The following PPFIA4 variants were observed in gnomAD, a reference collection of about 807,000 sequenced individuals.
PPFIA4 encodes the protein liprin-alpha-4.
PPFIA4 carries 98 observed loss-of-function variants against 145.7 expected under a neutral mutation model. The observed-to-expected ratio is 0.67, with a 90% CI of 0.57 to 0.80. PPFIA4 has a LOEUF of 0.80. PPFIA4 is among the 30% of genes least tolerant of loss of function. The pLI is 0.00. For synonymous variants in PPFIA4, 628 were observed against 649.6 expected (o/e 0.97, Z 0.51); for missense variants, 1,457 against 1,632.7 (o/e 0.89, Z 1.85).
rs756435473 is a variant in PPFIA4, at chr1:203,076,396, G to C, written c.*6G>C. 1 of 1,608,098 alleles carries C rather than the reference G, an allele frequency of 6.2e-7. No individual in the cohort carries two copies. The highest frequency in any genetic ancestry group is 8.5e-7 in the Non-Finnish European group (1 of 1,179,512). The stretch of plus-strand genomic sequence containing the variant: ...TCTCCGCCTTCCGGGACTAGCCATG[G>C]CCCCCAGGGCTGGCTTCCTCCTTCT... On this transcript the variant is annotated 3_prime_UTR_variant, in exon 30 of 30. Transcript: ENST00000295706.
intron 23 of PPFIA4, chr1:203,061,303 T>A (rs533639421): frequency 1.8e-6 from 1 of 555,376 alleles, no homozygotes; most frequent in East Asian, 3.1e-5. Flanking sequence ...AGAGTTGGGC[T>A]GGGGAGGGCT....
At chr1:203,035,324 T>C (rs1181184968) in intron 1 of PPFIA4, 4 of 456,488 alleles carry the variant, frequency 8.8e-6, no homozygotes, top group African/African-American at 6.0e-5. Flanking sequence ...TGCCATCTGG[T>C]AGGCAGGAGG....
intron 24 of PPFIA4, among the ~76,000 whole-genome samples, chr1:203,062,524 A>G (rs975946551): frequency 1.4e-5 from 2 of 147,484 alleles, no homozygotes; most frequent in African/African-American, 2.5e-5. Context: ...TCAATAAGTA[A>G]ACAAATAAAG....
chr1:203,067,855 C>T (rs1178705115), intron 26 of PPFIA4, 63 bp downstream of exon 26: 24 of 1,420,314 alleles, frequency 1.7e-5, no homozygotes, highest in Non-Finnish European at 1.7e-5. Context: ...CTGCCTTGGG[C>T]CAAGTGGAGG....
At chr1:203,067,491 G>A in intron 25 of PPFIA4, 1 of 536,044 alleles carries the variant, frequency 1.9e-6, no homozygotes, top group Non-Finnish European at 3.3e-6. Flanking sequence ...TGAGAGGGAG[G>A]ATATGGGTTA....
At chr1:203,042,369 G>A (rs975960392) in intron 2 of PPFIA4, among the ~76,000 whole-genome samples, 9 of 152,154 alleles carry the variant, frequency 5.9e-5, no homozygotes, top group African/African-American at 2.2e-4. Flanking sequence ...AGTGATACTT[G>A]GTACATGGAT....
Position 203,026,531 on chromosome 1 carries a change from G to C in PPFIA4, c.-498G>C, listed in dbSNP as rs1658386227. ...GGCGGCGGAGGCTGCAGCTACCTCG[G>C]CGCCGGCTCGGCTCTAGGACGTGTC... On this transcript the variant is annotated 5_prime_UTR_variant, in exon 1 of 30. Transcript: ENST00000295706. 6.6e-6 allele frequency: 1 copy of C among 152,262 alleles called. No homozygotes were observed. The highest frequency in any genetic ancestry group is 1.5e-5 in the Non-Finnish European group (1 of 68,078). The allele number at this position is 152,262 out of a possible 1,614,324, so 9.4% of individuals were successfully genotyped here. A position where few individuals can be genotyped will look rare whatever the true frequency, so the allele number is the denominator to read the frequency against.
chr1:203,072,909 C>G lies in PPFIA4; in HGVS notation c.3393+1149C>G, dbSNP rs796949069. On this transcript the variant is annotated intron_variant, in intron 28 of 29. Transcript: ENST00000295706. ...CAGCCCCCCCTCCCCCGACCCAGAG[C>G]TGTCCCAACTCTGATAGATCTGTTT... Among the ~76,000 whole-genome samples the G allele has an allele frequency of 4.8e-5, 7 of 146,990 alleles. 1 individual carries two copies. The highest frequency in any genetic ancestry group is 1.8e-4 in the African/African-American group (7 of 39,500).
rs951651637 is a variant in PPFIA4 at position 203,075,256 on chromosome 1, C to T, written c.3394-321C>T. The stretch of plus-strand genomic sequence containing the variant: ...ATGCCTTGAAAGGTGAATGGTCATG[C>T]CAAGCCTACTTTGAGAAGATTGCGG... On this transcript the variant is annotated intron_variant, in intron 28 of 29. Coordinates refer to ENST00000295706, the MANE Select transcript of PPFIA4 (RefSeq NM_001304331.2). The surrounding 1 kb of genome is among the most constrained non-coding windows in gnomAD (Gnocchi z 4.1). 4.6e-5 allele frequency among the ~76,000 whole-genome samples: 7 copies of T among 152,094 alleles called. No individual in the cohort carries two copies. Among genetic ancestry groups the T allele is most frequent in the African/African-American group, 1.7e-4 (7 of 41,402 alleles).
At chr1:203,046,165 C>A in intron 8 of PPFIA4, 83 bp from the exon 9 acceptor site, 2 of 1,528,040 alleles carry the variant, frequency 1.3e-6, no homozygotes, top group South Asian at 2.4e-5. Flanking sequence ...TCTGACCTGT[C>A]ATCTGCTCTC....
At position 203,075,753 on chromosome 1, in the gene PPFIA4, T is replaced by C; in HGVS notation, c.3570T>C (p.Pro1190=). 1 of 1,368,116 alleles carries C rather than the reference T, an allele frequency of 7.3e-7. No individual in the cohort carries two copies. The highest frequency in any genetic ancestry group is 9.5e-7 in the Non-Finnish European group (1 of 1,055,082). 84.7% of individuals were successfully genotyped at this position (1,368,116 alleles called of 1,614,324 possible). ...CGGCCCCGCCAAAGAAGATCATGCC[T>C]GAAGGTGAGTAACAGGCGGGCTGGG... ...PPPAPPKKIM[P]EAHSHYLYGH... Residue 1190 remains proline, a synonymous_variant, in exon 29 of 30, where the codon CCT becomes CCC. Transcript: ENST00000295706. The surrounding 1 kb of genome is among the most constrained non-coding windows in gnomAD (Gnocchi z 4.1).
Position 203,056,299 on chromosome 1 carries a change from C to T in PPFIA4, c.2107-76C>T, listed in dbSNP as rs543508903. The stretch of plus-strand genomic sequence containing the variant: ...CTCCCCACTGCATTTCTCCATGCTC[C>T]GCCACCTCTTCTGGGCTGGGTAGGC... On this transcript the variant is annotated intron_variant, in intron 17 of 29. Coordinates refer to ENST00000295706, the MANE Select transcript of PPFIA4 (RefSeq NM_001304331.2). 3.9e-5 allele frequency: 63 copies of T among 1,598,286 alleles called. No homozygotes were observed. The African/African-American group carries it at 5.9e-4, about 15-fold the overall frequency.
intron 29 of PPFIA4, 107 bp from the exon 30 acceptor site, chr1:203,076,234 G>T (rs1393064753): frequency 2.3e-6 from 3 of 1,299,240 alleles, no homozygotes; most frequent in Admixed American, 3.4e-5. Context: ...GGCGCTTTGC[G>T]CTTGGAGCAC....
rs1456154544 is a variant in PPFIA4, at chr1:203,068,943, C to A, written c.3324+315C>A. On this transcript the variant is annotated intron_variant, in intron 27 of 29. Coordinates refer to ENST00000295706, the MANE Select transcript of PPFIA4 (RefSeq NM_001304331.2). This position sits in a 1 kb window ranked among gnomAD's most constrained non-coding sequence, Gnocchi z 4.7. The stretch of plus-strand genomic sequence containing the variant: ...TCCTAACCCCACTTCATAGCTGAGA[C>A]TCTGAGCCTTCCTTTTCATCCTGCT... 6.6e-6 allele frequency among the ~76,000 whole-genome samples: 1 copy of A among 152,194 alleles called. No homozygotes were observed. The highest frequency in any genetic ancestry group is 1.5e-5 in the Non-Finnish European group (1 of 68,030).
chr1:203,062,308 T>G lies in PPFIA4; in HGVS notation c.2874+630T>G, dbSNP rs1661428837. Reference sequence around the variant, plus strand: ...CTGGCTAACACAGTGAAACCCCGTCTCTACTAAAAATACAAAAAAAAAATA... The same window carrying G: ...CTGGCTAACACAGTGAAACCCCGTCGCTACTAAAAATACAAAAAAAAAATA... On this transcript the variant is annotated intron_variant, in intron 24 of 29. Coordinates refer to ENST00000295706, the MANE Select transcript of PPFIA4 (RefSeq NM_001304331.2). Among the ~76,000 whole-genome samples the G allele has an allele frequency of 3.3e-5, 5 of 149,540 alleles. No individual in the cohort carries two copies. In the East Asian group the frequency reaches 9.8e-4, roughly 29 times the overall value.
Position 203,060,840 on chromosome 1 carries a change from A to G in PPFIA4, c.2785-130A>G. The G allele has an allele frequency of 1.3e-6, 1 of 795,834 alleles. No individual in the cohort carries two copies. The highest frequency in any genetic ancestry group is 1.6e-5 in the South Asian group (1 of 62,778). 49.3% of individuals were successfully genotyped at this position (795,834 alleles called of 1,614,324 possible). Reference sequence around the variant, plus strand: ...GAGTCTTTCATTGTCGGCCATCTCCATGATTGAGACCAGCCCCCATTTCAG... The same window carrying G: ...GAGTCTTTCATTGTCGGCCATCTCCGTGATTGAGACCAGCCCCCATTTCAG... On this transcript the variant is annotated intron_variant, in intron 22 of 29. Transcript: ENST00000295706. This position sits in a 1 kb window ranked among gnomAD's most constrained non-coding sequence, Gnocchi z 4.8.
intron 15 of PPFIA4, among the ~76,000 whole-genome samples, chr1:203,054,867 G>C (rs768126264): frequency 6.6e-6 from 1 of 152,222 alleles, no homozygotes; most frequent in Non-Finnish European, 1.5e-5. Flanking sequence ...TCAGAATAAA[G>C]GCGAGTCCTT....
chr1:203,044,273 C>T, intron 4 of PPFIA4, 106 bp from the exon 5 acceptor site: 7 of 1,200,412 alleles, frequency 5.8e-6, no homozygotes, highest in Non-Finnish European at 7.0e-6. Flanking sequence ...CTTAGTAGGC[C>T]CTTCACTGTC....
chr1:203,043,646 C>G lies in PPFIA4; in HGVS notation c.336+148C>G. 2 of 796,402 alleles carry G rather than the reference C, an allele frequency of 2.5e-6. No individual in the cohort carries two copies. Among genetic ancestry groups the G allele is most frequent in the South Asian group, 1.7e-5 (1 of 58,456 alleles). 49.3% of individuals were successfully genotyped at this position (796,402 alleles called of 1,614,324 possible). On this transcript the variant is annotated intron_variant, in intron 3 of 29. Transcript: ENST00000295706. The surrounding 1 kb of genome is among the most constrained non-coding windows in gnomAD (Gnocchi z 4.4). ...GCCCCATCCTTCCCTCTTCCTGTCT[C>G]CCATCCTGGGGTGAGAGTTACATCG...
Sources: allele counts gnomAD v4.1 joint callset (sites outside exome capture counted in the v4.1 genomes callset), GRCh38; gene constraint gnomAD v4.1.1; non-coding constraint Gnocchi (gnomAD v3.1); transcripts MANE v1.5; gene names NCBI Gene and HGNC (gene_info 2026-07-23, HGNC 2026-07-21).